The following SKAP2 variants were observed in gnomAD, a reference collection of about 807,000 sequenced individuals.
SKAP2 encodes src kinase-associated phosphoprotein 2.
Under a neutral mutation model 54.9 loss-of-function variants are expected in SKAP2, and 28 were observed. The observed-to-expected ratio is 0.51, with a 90% confidence interval of 0.38 to 0.70. SKAP2 has a LOEUF of 0.70. SKAP2 is among the 30% of genes least tolerant of loss of function. The probability of loss-of-function intolerance (pLI) is 0.00; values close to 1 mark genes in which losing one functional copy is unlikely to be tolerated. For missense variants in SKAP2, 356 were observed against 424.1 expected (o/e 0.84, Z 1.41); for synonymous variants, 137 against 134.3 (o/e 1.02, Z -0.14).
At chr7:26,703,248 T>A (rs955569291) in intron 9 of SKAP2, among the ~76,000 whole-genome samples, 2 of 151,798 alleles carry the variant, frequency 1.3e-5, no homozygotes, top group African/African-American at 4.8e-5. Flanking sequence ...AAAAAAAAAA[T>A]TCCATGCATA....
rs1450045944 is a variant in SKAP2, at chr7:26,773,685, A to T, written c.308-33721T>A. Among the ~76,000 whole-genome samples, 3 of 152,252 alleles carry T rather than the reference A, an allele frequency of 2.0e-5. No homozygotes were observed. The East Asian group carries it at 5.8e-4, about 29-fold the overall frequency. ...ATTATTCAATGAACAATAAACATTT[A>T]TAATGAACCACATATATGTCAAGAA... is the stretch of plus-strand genomic sequence containing the variant. On this transcript the variant is annotated intron_variant, in intron 4 of 12. Transcript: ENST00000345317.
chr7:26,715,257 A>C (rs550445652), intron 9 of SKAP2, among the ~76,000 whole-genome samples: 5 of 151,864 alleles, frequency 3.3e-5, no homozygotes, highest in Admixed American at 6.5e-5. Flanking sequence ...TATGTATGTG[A>C]CTCTAAAAGT....
chr7:26,836,152 G>A (rs1486727367), intron 4 of SKAP2, among the ~76,000 whole-genome samples: 1 of 152,186 alleles, frequency 6.6e-6, no homozygotes, highest in East Asian at 1.9e-4. Flanking sequence ...GCAGAAAACT[G>A]AAACTGGACC....
chr7:26,862,144 A>C (rs1785285013), intron 1 of SKAP2, among the ~76,000 whole-genome samples: 1 of 152,068 alleles, frequency 6.6e-6, no homozygotes, highest in Admixed American at 6.5e-5. Flanking sequence ...CTAGTCATAT[A>C]CTATTACCCA....
intron 4 of SKAP2, among the ~76,000 whole-genome samples, chr7:26,761,276 T>A (rs935013256): frequency 1.3e-5 from 2 of 152,180 alleles, no homozygotes; most frequent in African/African-American, 4.8e-5. Context: ...AATTAAAAAA[T>A]TTAATAATTT....
intron 4 of SKAP2, among the ~76,000 whole-genome samples, chr7:26,742,154 T>C (rs1782468746): frequency 6.6e-6 from 1 of 152,164 alleles, no homozygotes; most frequent in South Asian, 2.1e-4. Context: ...ACAGAAATCT[T>C]ATCTCTGTAA....
chr7:26,685,668 G>C (rs1259537107), intron 10 of SKAP2, among the ~76,000 whole-genome samples: 2 of 152,110 alleles, frequency 1.3e-5, no homozygotes, highest in Non-Finnish European at 2.9e-5. Flanking sequence ...TGATTATTTA[G>C]CACTTTCCAC....
intron 4 of SKAP2, among the ~76,000 whole-genome samples, chr7:26,740,242 T>C (rs1782407650): frequency 6.6e-6 from 1 of 151,396 alleles, no homozygotes; most frequent in Non-Finnish European, 1.5e-5. Flanking sequence ...TATAAATAAA[T>C]GCAATAAATC....
intron 3 of SKAP2, among the ~76,000 whole-genome samples, chr7:26,845,839 A>C (rs183465445): frequency 6.6e-6 from 1 of 152,254 alleles, no homozygotes; most frequent in East Asian, 1.9e-4. Context: ...GGCTGAGGTA[A>C]GAGGACCGCT....
At chr7:26,716,489 G>A (rs1043173837) in intron 9 of SKAP2, among the ~76,000 whole-genome samples, 9 of 152,104 alleles carry the variant, frequency 5.9e-5, no homozygotes, top group African/African-American at 1.7e-4. Flanking sequence ...AACTTTCTAT[G>A]TGGTTTTGTT....
At chr7:26,731,653 C>T (rs898757046) in intron 6 of SKAP2, among the ~76,000 whole-genome samples, 8 of 152,120 alleles carry the variant, frequency 5.3e-5, no homozygotes, top group African/African-American at 1.9e-4. Context: ...ATAGAAAGTG[C>T]CCACAATGGA....
chr7:26,802,677 T>C (rs892557215), intron 4 of SKAP2, among the ~76,000 whole-genome samples: 1 of 151,956 alleles, frequency 6.6e-6, no homozygotes, highest in Non-Finnish European at 1.5e-5. Context: ...GGTCAAGAGA[T>C]TGAGACCATC....
chr7:26,737,430 T>C (rs1467951141), intron 6 of SKAP2, among the ~76,000 whole-genome samples: 1 of 152,240 alleles, frequency 6.6e-6, no homozygotes, highest in African/African-American at 2.4e-5. Flanking sequence ...ACTAAATTAA[T>C]TAATTTGTTA....
At chr7:26,719,567 G>T (rs945572565) in intron 9 of SKAP2, among the ~76,000 whole-genome samples, 7 of 152,138 alleles carry the variant, frequency 4.6e-5, no homozygotes, top group Non-Finnish European at 8.8e-5. Flanking sequence ...AACCCTATCA[G>T]AATAGGATAA....
intron 4 of SKAP2, among the ~76,000 whole-genome samples, chr7:26,823,522 C>T (rs1442195691): frequency 6.6e-6 from 1 of 151,248 alleles, no homozygotes; most frequent in Non-Finnish European, 1.5e-5. Context: ...AAACCAGCTA[C>T]AACACTCCCT....
At chr7:26,848,530 T>C (rs1273328877) in intron 3 of SKAP2, among the ~76,000 whole-genome samples, 1 of 152,138 alleles carries the variant, frequency 6.6e-6, no homozygotes, top group African/African-American at 2.4e-5. Flanking sequence ...TAGCTCATTA[T>C]ATATATGCAA....
At chr7:26,841,190 C>A (rs963570267) in intron 4 of SKAP2, among the ~76,000 whole-genome samples, 2 of 152,026 alleles carry the variant, frequency 1.3e-5, no homozygotes, top group African/African-American at 4.8e-5. Flanking sequence ...CTACTCTAGT[C>A]TCTCATTGAA....
At chr7:26,787,927 C>T (rs981023577) in intron 4 of SKAP2, among the ~76,000 whole-genome samples, 1 of 152,114 alleles carries the variant, frequency 6.6e-6, no homozygotes, top group African/African-American at 2.4e-5. Context: ...TCAATCTTGG[C>T]TCACTGCCAC....
intron 9 of SKAP2, among the ~76,000 whole-genome samples, chr7:26,722,624 G>A (rs926704827): frequency 1.3e-5 from 2 of 151,590 alleles, no homozygotes; most frequent in South Asian, 2.1e-4. Flanking sequence ...GGCCAGGCTC[G>A]CTTCGAACTC....
Sources: allele counts gnomAD v4.1 joint callset (sites outside exome capture counted in the v4.1 genomes callset), GRCh38; gene constraint gnomAD v4.1.1; transcripts MANE v1.5; gene names NCBI Gene and HGNC (gene_info 2026-07-23, HGNC 2026-07-21).